Variants in DEPTOR observed in about 807,000 individuals in gnomAD.
The protein encoded by DEPTOR is DEP domain-containing mTOR-interacting protein.
Under a neutral mutation model 41.6 loss-of-function variants are expected in DEPTOR, and 41 were observed. The ratio of observed to expected loss-of-function variants is 0.98; its 90% CI spans 0.77 to 1.28. DEPTOR has a LOEUF of 1.28. Ranked by LOEUF, DEPTOR falls within the 50% of genes most tolerant of loss-of-function variation. DEPTOR has a pLI of 0.00. For missense variants in DEPTOR, 514 were observed against 527.9 expected (o/e 0.97, Z 0.26); for synonymous variants, 195 against 192.3 (o/e 1.01, Z -0.12).
At chr8:120,037,280 G>T (rs975145247) in intron 8 of DEPTOR, among the ~76,000 whole-genome samples, 1 of 152,164 alleles carries the variant, frequency 6.6e-6, no homozygotes, top group Non-Finnish European at 1.5e-5. Context: ...TTTTACAGAT[G>T]AGTAAATTAT....
Position 120,007,447 on chromosome 8 carries a change from C to T in DEPTOR, c.996+572C>T, listed in dbSNP as rs183633837. The stretch of plus-strand genomic sequence containing the variant: ...CGAGCCTCTGACTTGCTGTGAGCAG[C>T]TCCGGACCACCTGCCCCTTCTTGGA... On this transcript the variant is annotated intron_variant, in intron 7 of 8. Coordinates refer to ENST00000286234, the MANE Select transcript of DEPTOR (RefSeq NM_022783.4). 2.6e-5 allele frequency among the ~76,000 whole-genome samples: 4 copies of T among 152,162 alleles called. No homozygotes were observed. The East Asian group carries it at 7.7e-4, about 29-fold the overall frequency.
At chr8:119,881,384 G>T (rs541527450) in intron 1 of DEPTOR, among the ~76,000 whole-genome samples, 5 of 151,962 alleles carry the variant, frequency 3.3e-5, no homozygotes. Context: ...ATTAGCTGGG[G>T]GTGGTGGTGC....
chr8:119,921,502 C>G (rs1247808831), intron 1 of DEPTOR, among the ~76,000 whole-genome samples: 2 of 152,016 alleles, frequency 1.3e-5, no homozygotes, highest in Non-Finnish European at 2.9e-5. Flanking sequence ...AGATTTTAAC[C>G]CCGGTGACAT....
intron 8 of DEPTOR, among the ~76,000 whole-genome samples, chr8:120,022,679 G>GT (rs1464336099): frequency 8.9e-5 from 13 of 145,672 alleles, no homozygotes; most frequent in Non-Finnish European, 1.5e-4. Flanking sequence ...CCCACTTTTT[G>GT]TTTTTTTATT....
chr8:119,996,580 T>C (rs931821961), intron 4 of DEPTOR, among the ~76,000 whole-genome samples: 3 of 152,182 alleles, frequency 2.0e-5, no homozygotes, highest in African/African-American at 7.2e-5. Context: ...AGGTATAAGC[T>C]GGAGACTGGA....
chr8:119,997,921 C>T (rs950142402), intron 4 of DEPTOR, among the ~76,000 whole-genome samples: 1 of 152,052 alleles, frequency 6.6e-6, no homozygotes, highest in Admixed American at 6.6e-5. Flanking sequence ...AGATTATTTT[C>T]CTAGTGGTTT....
intron 8 of DEPTOR, among the ~76,000 whole-genome samples, chr8:120,022,514 C>T (rs2130141490): frequency 6.6e-6 from 1 of 152,110 alleles, no homozygotes; most frequent in South Asian, 2.1e-4. Flanking sequence ...GTAAGAAGGG[C>T]CAGTTCTGAG....
At chr8:119,876,168 T>C (rs1242076739) in intron 1 of DEPTOR, among the ~76,000 whole-genome samples, 1 of 152,214 alleles carries the variant, frequency 6.6e-6, no homozygotes, top group African/African-American at 2.4e-5. Flanking sequence ...CCCAGAGCAC[T>C]TGTTATTCCC....
At chr8:119,920,527 T>C (rs1245836988) in intron 1 of DEPTOR, among the ~76,000 whole-genome samples, 3 of 152,178 alleles carry the variant, frequency 2.0e-5, no homozygotes, top group African/African-American at 7.2e-5. Flanking sequence ...TATGAATTAT[T>C]GAAGGCAGGA....
At chr8:119,929,563 T>G (rs781478302) in intron 2 of DEPTOR, among the ~76,000 whole-genome samples, 1 of 150,282 alleles carries the variant, frequency 6.7e-6, no homozygotes, top group African/African-American at 2.4e-5. Context: ...TTCCTAAATA[T>G]GATGATGATG....
intron 4 of DEPTOR, among the ~76,000 whole-genome samples, chr8:119,965,685 C>T (rs564070052): frequency 2.0e-5 from 3 of 152,272 alleles, no homozygotes; most frequent in South Asian, 2.1e-4. Flanking sequence ...GTTCTTATAG[C>T]GCTTCCAAAA....
At chr8:119,916,958 A>T (rs1449458181) in intron 1 of DEPTOR, among the ~76,000 whole-genome samples, 1 of 152,120 alleles carries the variant, frequency 6.6e-6, no homozygotes, top group Non-Finnish European at 1.5e-5. Flanking sequence ...GTTGCTAGAG[A>T]TGGGGTTTCA....
At chr8:119,911,195 A>G (rs1306772791) in intron 1 of DEPTOR, among the ~76,000 whole-genome samples, 2 of 151,162 alleles carry the variant, frequency 1.3e-5, no homozygotes, top group Non-Finnish European at 2.9e-5. Context: ...TCAGCTATCC[A>G]TTGTCTCCTG....
At chr8:119,971,942 T>C (rs979988634) in intron 4 of DEPTOR, among the ~76,000 whole-genome samples, 2 of 152,180 alleles carry the variant, frequency 1.3e-5, no homozygotes, top group African/African-American at 4.8e-5. Context: ...GGCAGGCCGA[T>C]ACAACACAAT....
intron 4 of DEPTOR, among the ~76,000 whole-genome samples, chr8:119,983,948 G>A (rs188401985): frequency 6.6e-6 from 1 of 152,076 alleles, no homozygotes; most frequent in Non-Finnish European, 1.5e-5. Context: ...AAATTACTGT[G>A]CAGTAAAGCA....
chr8:119,996,047 C>T (rs982647066), intron 4 of DEPTOR, among the ~76,000 whole-genome samples: 23 of 152,156 alleles, frequency 1.5e-4, no homozygotes, highest in African/African-American at 5.3e-4. Context: ...TTATTGGCAA[C>T]AATGCAAGTG....
At chr8:119,934,475 C>T (rs1261452140) in intron 3 of DEPTOR, among the ~76,000 whole-genome samples, 1 of 152,152 alleles carries the variant, frequency 6.6e-6, no homozygotes, top group East Asian at 1.9e-4. Flanking sequence ...CCTGGGTCTT[C>T]CATCCCAGCT....
intron 1 of DEPTOR, among the ~76,000 whole-genome samples, chr8:119,918,961 GTGTGTA>G (rs1278008595): frequency 0.013 from 1,153 of 92,234 alleles, 18 homozygotes; most frequent in African/African-American, 0.029. Flanking sequence ...GTGTGTGTGT[GTGTGTA>G]TGTGTATGTG....
intron 1 of DEPTOR, among the ~76,000 whole-genome samples, chr8:119,912,227 T>A (rs547352692): frequency 6.6e-6 from 1 of 152,244 alleles, no homozygotes; most frequent in Non-Finnish European, 1.5e-5. Flanking sequence ...AGGATTGGGC[T>A]AAAATTGGAA....
Sources: gnomAD v4.1 joint callset for allele counts (sites outside exome capture counted in the v4.1 genomes callset) on GRCh38, gnomAD v4.1.1 for gene constraint, MANE v1.5 for transcripts, NCBI Gene and HGNC (gene_info 2026-07-23, HGNC 2026-07-21) for gene names.